NXPH1: variants seen among roughly 807,000 people sequenced by gnomAD.
The protein encoded by NXPH1 is neurexophilin 1, also known as neurexophilin-1.
In NXPH1, 5 loss-of-function variants were observed where a neutral mutation model predicts 23.7. That is an observed-to-expected ratio of 0.21 (90% CI 0.11 to 0.44). NXPH1 has a LOEUF of 0.44. Ranked by LOEUF, NXPH1 falls within the 20% of genes least tolerant of loss-of-function variation. The pLI is 0.99. For synonymous variants in NXPH1, 144 were observed against 122.2 expected (o/e 1.18, Z -1.18); for missense variants, 324 against 321.6 (o/e 1.01, Z -0.06).
At chr7:8,533,611 A>G (rs1315975894) in intron 2 of NXPH1, among the ~76,000 whole-genome samples, 3 of 152,192 alleles carry the variant, frequency 2.0e-5, no homozygotes, top group African/African-American at 7.2e-5. Flanking sequence ...CAACTCGCCT[A>G]TCTCTTTACA....
intron 2 of NXPH1, among the ~76,000 whole-genome samples, chr7:8,494,987 T>G (rs145398426): frequency 0.012 from 1,822 of 152,170 alleles, 39 homozygotes; most frequent in Non-Finnish European, 9.5e-3. Flanking sequence ...GGGGATAATA[T>G]AGATTTTTGT....
chr7:8,547,462 A>G (rs1818214543), intron 2 of NXPH1, among the ~76,000 whole-genome samples: 2 of 150,554 alleles, frequency 1.3e-5, no homozygotes, highest in Admixed American at 1.3e-4. Context: ...TAAATGAAAG[A>G]CTAGAAAACG....
intron 2 of NXPH1, among the ~76,000 whole-genome samples, chr7:8,665,036 A>G (rs12532731): frequency 0.064 from 9,689 of 151,396 alleles, 685 homozygotes; most frequent in East Asian, 0.25. Context: ...ATGTAATCCA[A>G]TTGTCTGTTT....
At chr7:8,575,839 T>G (rs1473133594) in intron 2 of NXPH1, among the ~76,000 whole-genome samples, 1 of 152,082 alleles carries the variant, frequency 6.6e-6, no homozygotes, top group African/African-American at 2.4e-5. Flanking sequence ...TGGATACTGG[T>G]GGATATATTC....
chr7:8,505,205 T>G (rs1193295240), intron 2 of NXPH1, among the ~76,000 whole-genome samples: 4 of 152,068 alleles, frequency 2.6e-5, no homozygotes, highest in African/African-American at 9.7e-5. Context: ...CTTGATACTT[T>G]CTATACGTAC....
Position 8,435,830 on chromosome 7 carries a change from G to C in NXPH1, c.54+63G>C. 6.8e-7 allele frequency: 1 copy of C among 1,472,096 alleles called. No homozygotes were observed. The highest frequency in any genetic ancestry group is 1.1e-5 in the South Asian group (1 of 88,242). 91.2% of individuals were successfully genotyped at this position (1,472,096 alleles called of 1,614,324 possible). ...CCCGGCCGGGAGGCAAGGAAACTGG[G>C]GACACGCGGGAGAAGGGTTACGCCG... On this transcript the variant is annotated intron_variant, in intron 2 of 2. Transcript: ENST00000405863. The surrounding 1 kb of genome is among the most constrained non-coding windows in gnomAD (Gnocchi z 5.9).
At chr7:8,576,126 T>C (rs1818750351) in intron 2 of NXPH1, among the ~76,000 whole-genome samples, 3 of 152,178 alleles carry the variant, frequency 2.0e-5, no homozygotes, top group Admixed American at 2.0e-4. Context: ...ATATGCCTTT[T>C]ATTTGCTTTC....
intron 2 of NXPH1, among the ~76,000 whole-genome samples, chr7:8,462,461 A>G (rs1163631853): frequency 1.3e-5 from 2 of 152,234 alleles, no homozygotes; most frequent in Non-Finnish European, 1.5e-5. Flanking sequence ...AGGTTCTGCT[A>G]TTGTCATCAC....
intron 2 of NXPH1, among the ~76,000 whole-genome samples, chr7:8,614,615 G>A (rs1158688042): frequency 6.6e-6 from 1 of 151,722 alleles, no homozygotes; most frequent in Non-Finnish European, 1.5e-5. Flanking sequence ...CATATATGTA[G>A]GTATGTATAT....
At chr7:8,678,450 G>C (rs2349775) in intron 2 of NXPH1, among the ~76,000 whole-genome samples, 1 of 152,066 alleles carries the variant, frequency 6.6e-6, no homozygotes, top group Non-Finnish European at 1.5e-5. Flanking sequence ...TCTCATTTAC[G>C]GTCCTTTTGC....
intron 2 of NXPH1, among the ~76,000 whole-genome samples, chr7:8,577,272 A>G (rs1818772966): frequency 6.6e-6 from 1 of 152,162 alleles, no homozygotes; most frequent in Middle Eastern, 3.2e-3. Context: ...ATTTATCTAT[A>G]CATTTTATTC....
At chr7:8,587,918 C>T (rs1819012730) in intron 2 of NXPH1, among the ~76,000 whole-genome samples, 1 of 152,038 alleles carries the variant, frequency 6.6e-6, no homozygotes, top group South Asian at 2.1e-4. Flanking sequence ...CAAGTCTCTG[C>T]TATTGTAAAT....
At chr7:8,482,445 G>A (rs1379404850) in intron 2 of NXPH1, among the ~76,000 whole-genome samples, 1 of 152,172 alleles carries the variant, frequency 6.6e-6, no homozygotes, top group Admixed American at 6.5e-5. Flanking sequence ...GGCACTGGGA[G>A]TCTTTAGGTT....
intron 2 of NXPH1, among the ~76,000 whole-genome samples, chr7:8,436,469 G>A (rs1445548404): frequency 6.6e-6 from 1 of 152,182 alleles, no homozygotes; most frequent in Admixed American, 6.5e-5. Flanking sequence ...ACAAAGCCGC[G>A]GTCCTTGTCC....
At chr7:8,695,134 G>T (rs1247452787) in intron 2 of NXPH1, among the ~76,000 whole-genome samples, 1 of 152,128 alleles carries the variant, frequency 6.6e-6, no homozygotes, top group Non-Finnish European at 1.5e-5. Flanking sequence ...TATTAAATCT[G>T]GAATTAGAAT....
At chr7:8,460,458 C>T (rs949606680) in intron 2 of NXPH1, among the ~76,000 whole-genome samples, 14 of 152,050 alleles carry the variant, frequency 9.2e-5, no homozygotes, top group African/African-American at 3.1e-4. Context: ...GGGGTTTGAG[C>T]CTTGATAGCA....
intron 2 of NXPH1, among the ~76,000 whole-genome samples, chr7:8,684,124 A>G (rs772288124): frequency 3.9e-5 from 6 of 152,146 alleles, no homozygotes; most frequent in Non-Finnish European, 7.3e-5. Context: ...TCCCTGGGAA[A>G]CAAGCTGAAA....
rs937076764 is a variant in NXPH1 at position 8,475,498 on chromosome 7, C to G, written c.54+39731C>G. Among the ~76,000 whole-genome samples the G allele has an allele frequency of 4.6e-5, 7 of 152,144 alleles. No individual in the cohort carries two copies. The East Asian group carries it at 1.2e-3, about 25-fold the overall frequency. Reference sequence around the variant, plus strand: ...ATGAAGATTTCTAAATAAAAAACAACAATAGCCATGCTGAAAACCCAACTA... The same window carrying G: ...ATGAAGATTTCTAAATAAAAAACAAGAATAGCCATGCTGAAAACCCAACTA... On this transcript the variant is annotated intron_variant, in intron 2 of 2. Coordinates refer to ENST00000405863, the MANE Select transcript of NXPH1 (RefSeq NM_152745.3).
intron 2 of NXPH1, among the ~76,000 whole-genome samples, chr7:8,739,196 A>AAC (rs1175822782): frequency 6.0e-5 from 8 of 132,954 alleles, no homozygotes; most frequent in South Asian, 2.5e-4. Context: ...AAAAAAAAAA[A>AAC]AAAAAAAACC....
Sources: gnomAD v4.1 joint callset for allele counts (sites outside exome capture counted in the v4.1 genomes callset) on GRCh38, gnomAD v4.1.1 for gene constraint, Gnocchi (gnomAD v3.1) non-coding constraint, MANE v1.5 for transcripts, NCBI Gene and HGNC (gene_info 2026-07-23, HGNC 2026-07-21) for gene names.